The following PIGL variants were observed in gnomAD, a reference collection of about 807,000 sequenced individuals.
The protein encoded by PIGL is N-acetylglucosaminyl-phosphatidylinositol de-N-acetylase.
Under a neutral mutation model 31.1 loss-of-function variants are expected in PIGL, and 22 were observed. That is an observed-to-expected ratio of 0.71 (90% CI 0.51 to 1.01). The LOEUF (loss-of-function observed/expected upper bound fraction) is 1.01, where lower values mean the gene tolerates loss of function less well. Among genes scored for constraint, PIGL ranks in the 50% least tolerant of loss-of-function variants. The pLI, the probability that PIGL is intolerant of heterozygous loss-of-function variation, is 0.00. For synonymous variants in PIGL, 131 were observed against 117.4 expected (o/e 1.12, Z -0.75); for missense variants, 302 against 315.9 (o/e 0.96, Z 0.33).
At chr17:16,245,751 C>T (rs1364448667) in intron 2 of PIGL, among the ~76,000 whole-genome samples, 1 of 150,790 alleles carries the variant, frequency 6.6e-6, no homozygotes, top group Non-Finnish European at 1.5e-5. Context: ...TATATATACA[C>T]ACACATATAT....
At chr17:16,290,018 C>T (rs774102582) in intron 2 of PIGL, among the ~76,000 whole-genome samples, 33 of 152,210 alleles carry the variant, frequency 2.2e-4, no homozygotes, top group Non-Finnish European at 4.7e-4. Context: ...TCAGGTGATC[C>T]GCCCACCTTG....
intron 6 of PIGL, 111 bp downstream of exon 6, chr17:16,318,019 T>G: frequency 2.4e-6 from 2 of 849,600 alleles, no homozygotes; most frequent in East Asian, 5.0e-5. Context: ...TCACAGTGGT[T>G]CAGCACCTGT....
rs376869413 is a variant in PIGL at position 16,303,803 on chromosome 17, C to A, written c.426+3825C>A. ...GATCTCAGCTCACTGCAAACTCTGC[C>A]TCCCGGGTTCACGCCATTCTCCCGC... On this transcript the variant is annotated intron_variant, in intron 3 of 6. Coordinates refer to ENST00000225609, the MANE Select transcript of PIGL (RefSeq NM_004278.4). Among the ~76,000 whole-genome samples the A allele has an allele frequency of 2.4e-4, 36 of 152,200 alleles. 1 individual carries two copies. The East Asian group carries it at 5.6e-3, about 24-fold the overall frequency.
At chr17:16,275,947 C>A (rs2092893309) in intron 2 of PIGL, among the ~76,000 whole-genome samples, 1 of 152,030 alleles carries the variant, frequency 6.6e-6, no homozygotes, top group Non-Finnish European at 1.5e-5. Context: ...TCATTTGAAC[C>A]CAGGAGGTGG....
At chr17:16,254,973 T>A (rs2092787984) in intron 2 of PIGL, among the ~76,000 whole-genome samples, 1 of 152,244 alleles carries the variant, frequency 6.6e-6, no homozygotes, top group African/African-American at 2.4e-5. Context: ...TGCTCAATTA[T>A]GTTTGTTTAG....
At chr17:16,310,842 C>T (rs1385524034) in intron 3 of PIGL, among the ~76,000 whole-genome samples, 1 of 152,174 alleles carries the variant, frequency 6.6e-6, no homozygotes, top group Non-Finnish European at 1.5e-5. Context: ...CACGCCTTCT[C>T]ACATAGAGGA....
At chr17:16,229,481 CTTTT>C (rs71353784) in intron 1 of PIGL, among the ~76,000 whole-genome samples, 17 of 114,202 alleles carry the variant, frequency 1.5e-4, no homozygotes, top group Non-Finnish European at 2.0e-4. Flanking sequence ...ACCGGTTTTC[CTTTT>C]TTTTTTTTTT....
At chr17:16,302,633 C>A (rs145753571) in intron 3 of PIGL, among the ~76,000 whole-genome samples, 4 of 152,180 alleles carry the variant, frequency 2.6e-5, no homozygotes, top group Admixed American at 2.6e-4. Context: ...CAGAGTCTCG[C>A]TCTGTCACCA....
rs768565438 is a variant in PIGL, at chr17:16,316,793, A to C, written c.526+81A>C. 5 of 1,592,806 alleles carry C rather than the reference A, an allele frequency of 3.1e-6. 1 individual carries two copies. In the South Asian group the frequency reaches 5.5e-5, roughly 18 times the overall value. ...ATGAGGGGGAAATTTGCAAATCCAC[A>C]GAGAGCTGCCCTCAGCCGAGCAGAG... On this transcript the variant is annotated intron_variant, in intron 5 of 6. Coordinates refer to ENST00000225609, the MANE Select transcript of PIGL (RefSeq NM_004278.4).
intron 3 of PIGL, among the ~76,000 whole-genome samples, chr17:16,304,065 G>C (rs547504509): frequency 5.9e-5 from 9 of 152,266 alleles, no homozygotes; most frequent in African/African-American, 1.9e-4. Flanking sequence ...AACTCAAGTT[G>C]ACAGTACAGT....
intron 2 of PIGL, among the ~76,000 whole-genome samples, chr17:16,292,918 A>G (rs1490669928): frequency 2.0e-5 from 3 of 152,252 alleles, no homozygotes; most frequent in African/African-American, 4.8e-5. Flanking sequence ...TGGGGCAACT[A>G]TCATTCACCA....
intron 1 of PIGL, among the ~76,000 whole-genome samples, chr17:16,230,976 A>G (rs1346169050): frequency 1.3e-5 from 2 of 150,488 alleles, no homozygotes; most frequent in Non-Finnish European, 1.5e-5. Flanking sequence ...TGCCCAGTCC[A>G]TTTCTTGTTC....
chr17:16,258,607 G>T (rs940973544), intron 2 of PIGL, among the ~76,000 whole-genome samples: 1 of 151,984 alleles, frequency 6.6e-6, no homozygotes, highest in South Asian at 2.1e-4. Flanking sequence ...GGGCCCAAGC[G>T]ATTCTCCTGC....
chr17:16,278,091 T>A (rs114663412), intron 2 of PIGL, among the ~76,000 whole-genome samples: 199 of 152,094 alleles, frequency 1.3e-3, no homozygotes, highest in African/African-American at 4.7e-3. Flanking sequence ...AATCTCACTC[T>A]TTTGCTCAGG....
At chr17:16,269,981 C>T (rs2092863654) in intron 2 of PIGL, among the ~76,000 whole-genome samples, 1 of 151,962 alleles carries the variant, frequency 6.6e-6, no homozygotes, top group Non-Finnish European at 1.5e-5. Context: ...TTCTTCAGCA[C>T]TCATCTATAC....
At chr17:16,224,603 A>T (rs2092643839) in intron 1 of PIGL, among the ~76,000 whole-genome samples, 1 of 147,652 alleles carries the variant, frequency 6.8e-6, no homozygotes, top group Admixed American at 6.8e-5. Flanking sequence ...CACCATGCCC[A>T]GCCCCCAAAT....
intron 2 of PIGL, among the ~76,000 whole-genome samples, chr17:16,262,915 A>G (rs2092824866): frequency 6.6e-6 from 1 of 152,200 alleles, no homozygotes; most frequent in Non-Finnish European, 1.5e-5. Context: ...TTGATGCTGT[A>G]GCATGGATGA....
intron 2 of PIGL, among the ~76,000 whole-genome samples, chr17:16,245,820 A>ATTTT (rs35458445): frequency 6.4e-5 from 9 of 140,654 alleles, no homozygotes; most frequent in African/African-American, 2.6e-4. Flanking sequence ...ATATATATAT[A>ATTTT]TTTTTTTTTG....
intron 3 of PIGL, chr17:16,312,417 G>C (rs2093056764): frequency 6.1e-6 from 1 of 162,756 alleles, no homozygotes; most frequent in Admixed American, 6.5e-5. Flanking sequence ...GCCGGGAAGA[G>C]GCGCTCCTCA....
Sources: allele counts gnomAD v4.1 joint callset (sites outside exome capture counted in the v4.1 genomes callset), GRCh38; gene constraint gnomAD v4.1.1; transcripts MANE v1.5; gene names NCBI Gene and HGNC (gene_info 2026-07-23, HGNC 2026-07-21).